Variants in ODAD1 observed in about 807,000 individuals in gnomAD.
ODAD1 encodes outer dynein arm-docking complex subunit 1.
A neutral mutation model predicts 67.2 loss-of-function variants in ODAD1; 49 were observed. The ratio of observed to expected loss-of-function variants is 0.73; its 90% CI spans 0.58 to 0.92. The LOEUF is 0.92. Among genes scored for constraint, ODAD1 ranks in the 40% least tolerant of loss-of-function variants. ODAD1 has a pLI of 0.00. For missense variants in ODAD1, 897 were observed against 953.7 expected, an observed-to-expected ratio of 0.94 and a Z score of 0.78; for synonymous variants, 345 against 393.7, an observed-to-expected ratio of 0.88 and a Z score of 1.46.
chr19:48,303,994 C>G lies in ODAD1; in HGVS notation c.812G>C (p.Arg271Pro), dbSNP rs776898770. 3.7e-6 allele frequency: 6 copies of G among 1,614,096 alleles called. No individual in the cohort carries two copies. In the African/African-American group the frequency reaches 8.0e-5, roughly 22 times the overall value. Residue 271 changes from arginine (R) to proline (P), a missense_variant, in exon 9 of 16, where the codon CGG becomes CCG. Physicochemically the swap from Arg to Pro is moderately radical, Grantham distance 103. Coordinates refer to ENST00000674294, the MANE Select transcript of ODAD1 (RefSeq NM_001364171.2). ...CTCCAGGACATCGGGATCCGGCTGC[C>G]GGTCGTTGTTCTTGAGCTTGAGGAA... The part of the protein sequence containing the change: ...HHFLKLKNND[R>P]QPDPDVLEKR...
At position 48,297,538 on chromosome 19, in the gene ODAD1, G is replaced by A; in HGVS notation, c.1582-20C>T. The A allele has an allele frequency of 6.3e-7, 1 of 1,598,466 alleles. No individual in the cohort carries two copies. Among genetic ancestry groups the A allele is most frequent in the Non-Finnish European group, 8.5e-7 (1 of 1,172,570 alleles). ...CTCCACCTGCAGGGAAGGTGAACTG[G>A]GCCCCGACACACACTGAGGCCTGGC... On this transcript the variant is annotated intron_variant, in intron 15 of 15. Coordinates refer to ENST00000674294, the MANE Select transcript of ODAD1 (RefSeq NM_001364171.2).
At chr19:48,304,198 T>G (rs1600862228) in intron 8 of ODAD1, 58 bp from the exon 9 acceptor site, 2 of 1,490,122 alleles carry the variant, frequency 1.3e-6, no homozygotes, top group Non-Finnish European at 1.8e-6. Flanking sequence ...CGGCCTGGGG[T>G]CCTGGGGATG....
chr19:48,306,446 C>G, intron 7 of ODAD1, 123 bp from the exon 8 acceptor site: 2 of 754,296 alleles, frequency 2.7e-6, no homozygotes, highest in Non-Finnish European at 4.5e-6. Context: ...AATGTGGACC[C>G]TCCTCATTAG....
intron 8 of ODAD1, among the ~76,000 whole-genome samples, chr19:48,304,543 T>G (rs957981197): frequency 1.6e-4 from 24 of 151,408 alleles, no homozygotes; most frequent in Admixed American, 1.5e-3. Context: ...CGCTTGAACC[T>G]GGGAGGTGAA....
chr19:48,314,672 G>A (rs1376413963), intron 5 of ODAD1, among the ~76,000 whole-genome samples: 1 of 152,100 alleles, frequency 6.6e-6, no homozygotes, highest in Non-Finnish European at 1.5e-5. Flanking sequence ...TGGGCGCAGT[G>A]TCTCACGCCT....
Position 48,297,677 on chromosome 19 carries a change from G to C in ODAD1, c.1503-9C>G, listed in dbSNP as rs1322095391. ...AACCCGGGGGGTCTTCTCTGGGGAG[G>C]GGAAGGAAAATTGGAAAAGACTAGA... is the stretch of plus-strand genomic sequence containing the variant. On this transcript the variant is annotated splice_polypyrimidine_tract_variant and intron_variant, in intron 14 of 15. Coordinates refer to ENST00000674294, the MANE Select transcript of ODAD1 (RefSeq NM_001364171.2). The C allele has an allele frequency of 1.0e-5, 15 of 1,500,698 alleles. No individual in the cohort carries two copies. Among genetic ancestry groups the C allele is most frequent in the Non-Finnish European group, 1.3e-5 (15 of 1,124,682 alleles). The allele number at this position is 1,500,698 out of a possible 1,614,324, so 93.0% of individuals were successfully genotyped here. A position where few individuals can be genotyped will look rare whatever the true frequency, so the allele number is the denominator to read the frequency against.
At chr19:48,309,977 G>A (rs1168713434) in intron 7 of ODAD1, among the ~76,000 whole-genome samples, 2 of 152,178 alleles carry the variant, frequency 1.3e-5, no homozygotes, top group African/African-American at 4.8e-5. Flanking sequence ...GCTCATGCCT[G>A]TAATCCCAGA....
rs188658471 is a variant in ODAD1, at chr19:48,307,672, G to A, written c.598-1349C>T. 2.7e-3 allele frequency among the ~76,000 whole-genome samples: 413 copies of A among 151,950 alleles called. 4 individuals are homozygous for A. The highest frequency in any genetic ancestry group is 0.026 in the East Asian group (133 of 5,158). ...CTACTAAAAATACAAAAAATTAGCC[G>A]GGCGTGGTGGCAGGTGCCTGTAGTC... On this transcript the variant is annotated intron_variant, in intron 7 of 15. Transcript: ENST00000674294.
intron 1 of ODAD1, 199 bp downstream of exon 1, chr19:48,321,479 C>G (rs1210968284): frequency 8.7e-6 from 2 of 230,524 alleles, no homozygotes; most frequent in African/African-American, 2.3e-5. Context: ...GACACCAGTA[C>G]AGGACGGGGC....
At chr19:48,305,586 G>T (rs1968586742) in intron 8 of ODAD1, among the ~76,000 whole-genome samples, 1 of 151,602 alleles carries the variant, frequency 6.6e-6, no homozygotes. Context: ...TTATATTTTT[G>T]GTAGAGATGG....
rs759237112 is a variant in ODAD1, at chr19:48,305,211, G to A, written c.665+1045C>T. 5.3e-5 allele frequency among the ~76,000 whole-genome samples: 8 copies of A among 152,150 alleles called. No homozygotes were observed. The South Asian group carries it at 6.2e-4, about 12-fold the overall frequency. On this transcript the variant is annotated intron_variant, in intron 8 of 15. Transcript: ENST00000674294. ...GATGGAGTGAGAGAGAGAGCATGGA[G>A]CTCATGAGAGCCCCAGAGAGGGAGA...
At chr19:48,303,297 T>C (rs996750523) in intron 10 of ODAD1, 1 of 622,468 alleles carries the variant, frequency 1.6e-6, no homozygotes, top group Non-Finnish European at 2.9e-6. Flanking sequence ...GACACAGAAA[T>C]ACACAGCAAG....
Position 48,298,157 on chromosome 19 carries a change from G to T in ODAD1, c.1404+20C>A, listed in dbSNP as rs8111297. 0.19 allele frequency: 299,770 copies of T among 1,611,326 alleles called. 29,113 individuals carry two copies. Among genetic ancestry groups the T allele is most frequent in the Non-Finnish European group, 0.19 (227,970 of 1,179,422 alleles). On this transcript the variant is annotated intron_variant, in intron 13 of 15. Transcript: ENST00000674294. ...ACCCCCGAGACCGGCCTCCTGTCCC[G>T]GCTCCCTGCCGTCTCCCACCTGGGC... is the stretch of plus-strand genomic sequence containing the variant.
In ODAD1 at chr19:48,303,789, G is replaced by A. The variant is rs779089686; in HGVS notation, c.854-5C>T. 29 of 1,604,758 alleles carry A rather than the reference G, an allele frequency of 1.8e-5. No homozygotes were observed. The highest frequency in any genetic ancestry group is 2.0e-5 in the Non-Finnish European group (24 of 1,175,290). On this transcript the variant is annotated splice_region_variant and splice_polypyrimidine_tract_variant and intron_variant, in intron 9 of 15. Coordinates refer to ENST00000674294, the MANE Select transcript of ODAD1 (RefSeq NM_001364171.2). The stretch of plus-strand genomic sequence containing the variant: ...CGCCCTCGGCCACCTCCCCGGCTAG[G>A]GGAAGAGAGAACAGCAGGTCGGCCT...
chr19:48,297,285 G>A lies in ODAD1; in HGVS notation c.1815C>T (p.Ser605=). Residue 605 remains serine, a synonymous_variant, in exon 16 of 16, where the codon AGC becomes AGT. Transcript: ENST00000674294. ...TGATGTGGCTGGGCAAATGCCCAGT[G>A]CTGGAGCTGAGGCCGCCAAAAGTGA... is the stretch of plus-strand genomic sequence containing the variant. ...GHVTFGGLSS[S]TGHLPSHITH... is the part of the protein sequence containing the mutation. 6.2e-7 allele frequency: 1 copy of A among 1,613,988 alleles called. No homozygotes were observed. Among genetic ancestry groups the A allele is most frequent in the Non-Finnish European group, 8.5e-7 (1 of 1,180,018 alleles).
intron 8 of ODAD1, among the ~76,000 whole-genome samples, chr19:48,304,612 T>G (rs1650403260): frequency 2.7e-5 from 1 of 36,792 alleles, no homozygotes; most frequent in Admixed American, 1.7e-4. Flanking sequence ...AGAGCGAAAC[T>G]GTCTCAAAAA....
At chr19:48,301,976 G>A (rs1968474732) in intron 12 of ODAD1, among the ~76,000 whole-genome samples, 1 of 151,960 alleles carries the variant, frequency 6.6e-6, no homozygotes, top group Admixed American at 6.6e-5. Context: ...ACAGATGGAG[G>A]TATAGAACCT....
At position 48,321,910 on chromosome 19, in the gene ODAD1, G is replaced by A. The variant is rs1244887136; in HGVS notation, c.-296C>T. 12 of 397,708 alleles carry A rather than the reference G, an allele frequency of 3.0e-5. No homozygotes were observed. The highest frequency in any genetic ancestry group is 4.0e-5 in the Non-Finnish European group (9 of 225,566). The allele number at this position is 397,708 out of a possible 1,614,324, so 24.6% of individuals were successfully genotyped here. A position where few individuals can be genotyped will look rare whatever the true frequency, so the allele number is the denominator to read the frequency against. ...GGTTCACTACGCAAGCGCGACCAAC[G>A]GCTTCCCGGGAAGCAGCCAAAAACG... On this transcript the variant is annotated 5_prime_UTR_variant, in exon 1 of 16. Coordinates refer to ENST00000674294, the MANE Select transcript of ODAD1 (RefSeq NM_001364171.2).
chr19:48,303,200 T>C, intron 10 of ODAD1, 105 bp from the exon 11 acceptor site: 1 of 861,230 alleles, frequency 1.2e-6, no homozygotes, highest in Non-Finnish European at 2.0e-6. Flanking sequence ...AAAGTGAAGA[T>C]GAGGAAGGCC....
Sources: allele counts gnomAD v4.1 joint callset (sites outside exome capture counted in the v4.1 genomes callset), GRCh38; gene constraint gnomAD v4.1.1; transcripts MANE v1.5; gene names NCBI Gene and HGNC (gene_info 2026-07-23, HGNC 2026-07-21).